The following ACAD10 variants were observed in gnomAD, a reference collection of about 807,000 sequenced individuals.
ACAD10 encodes the protein ACAD-10.
A neutral mutation model predicts 116.8 loss-of-function variants in ACAD10; 112 were observed. That is an observed-to-expected ratio of 0.96 (90% CI 0.82 to 1.12). ACAD10 has a LOEUF of 1.12. Among genes scored for constraint, ACAD10 ranks in the 50% most tolerant of loss-of-function variants. The pLI is 0.00. For synonymous variants in ACAD10, 486 were observed against 510.6 expected (o/e 0.95, Z 0.65); for missense variants, 1,259 against 1,350.2 (o/e 0.93, Z 1.06).
intron 18 of ACAD10, among the ~76,000 whole-genome samples, chr12:111,751,912 G>A (rs2135994268): frequency 6.6e-6 from 1 of 151,758 alleles, no homozygotes; most frequent in African/African-American, 2.4e-5. Flanking sequence ...TATAAAATTA[G>A]TTGGACGTGG....
intron 2 of ACAD10, among the ~76,000 whole-genome samples, chr12:111,700,279 C>T (rs1888311819): frequency 6.6e-6 from 1 of 152,144 alleles, no homozygotes; most frequent in South Asian, 2.1e-4. Context: ...GTGTGGTATT[C>T]CGTTATATGA....
chr12:111,749,535 A>T (rs888553464), intron 18 of ACAD10, 190 bp downstream of exon 18: 1 of 756,582 alleles, frequency 1.3e-6, no homozygotes, highest in Non-Finnish European at 2.1e-6. Flanking sequence ...TCAGAGCAGA[A>T]TGGACCCCAC....
intron 12 of ACAD10, among the ~76,000 whole-genome samples, chr12:111,741,772 C>T (rs957960339): frequency 6.6e-6 from 1 of 152,180 alleles, no homozygotes; most frequent in Non-Finnish European, 1.5e-5. Flanking sequence ...GTACATTTGT[C>T]TTCTACAATT....
intron 2 of ACAD10, among the ~76,000 whole-genome samples, chr12:111,696,166 A>G (rs949328257): frequency 1.3e-5 from 2 of 151,816 alleles, no homozygotes; most frequent in Non-Finnish European, 2.9e-5. Flanking sequence ...GGCTCAAGCA[A>G]TCCTGCCTCA....
intron 2 of ACAD10, among the ~76,000 whole-genome samples, chr12:111,698,104 C>T (rs1384253387): frequency 6.6e-6 from 1 of 151,626 alleles, no homozygotes; most frequent in African/African-American, 2.4e-5. Flanking sequence ...AAGCTATTCT[C>T]CTTCCTCAGC....
chr12:111,753,349 C>T lies in ACAD10; in HGVS notation c.2818-423C>T, dbSNP rs113862309. ...AGCTGCAGGGCAGGAAGGGGTGCTG[C>T]GGTCAGCAGAGGGCACCCTTCGCCT... On this transcript the variant is annotated intron_variant, in intron 18 of 20. Coordinates refer to ENST00000313698, the MANE Select transcript of ACAD10 (RefSeq NM_025247.6). 2.6e-3 allele frequency: 999 copies of T among 380,772 alleles called. 5 individuals carry two copies. Among genetic ancestry groups the T allele is most frequent in the African/African-American group, 0.018 (886 of 48,162 alleles). 23.6% of individuals were successfully genotyped at this position (380,772 alleles called of 1,614,324 possible). A position where few individuals can be genotyped will look rare whatever the true frequency, so the allele number is the denominator to read the frequency against.
At chr12:111,707,698 T>C (rs1366310750) in intron 4 of ACAD10, among the ~76,000 whole-genome samples, 1 of 152,224 alleles carries the variant, frequency 6.6e-6, no homozygotes, top group African/African-American at 2.4e-5. Context: ...ATTCTTTCCA[T>C]CTTTGGAAGA....
chr12:111,746,876 T>C (rs1345515896), intron 14 of ACAD10, among the ~76,000 whole-genome samples, 173 bp from the exon 15 acceptor site: 1 of 152,176 alleles, frequency 6.6e-6, no homozygotes, highest in Non-Finnish European at 1.5e-5. Flanking sequence ...TGCATACCTG[T>C]AGTCTCAGCT....
At chr12:111,700,949 G>A (rs1888332494) in intron 2 of ACAD10, among the ~76,000 whole-genome samples, 1 of 151,804 alleles carries the variant, frequency 6.6e-6, no homozygotes, top group Admixed American at 6.6e-5. Flanking sequence ...TCTAGAGACA[G>A]GGTTTAATCA....
chr12:111,748,575 C>T (rs942076864), intron 17 of ACAD10, 100 bp downstream of exon 17: 28 of 1,306,768 alleles, frequency 2.1e-5, no homozygotes, highest in Middle Eastern at 2.7e-4. Flanking sequence ...CCACATCCCA[C>T]GTCTGAGGGT....
intron 2 of ACAD10, 200 bp downstream of exon 2, chr12:111,693,096 C>T (rs1207187814): frequency 8.3e-6 from 5 of 601,250 alleles, no homozygotes; most frequent in East Asian, 2.9e-5. Flanking sequence ...TCTTACTTTC[C>T]TCATCATTAA....
intron 7 of ACAD10, among the ~76,000 whole-genome samples, chr12:111,716,326 G>A (rs1888846566): frequency 6.6e-6 from 1 of 152,028 alleles, no homozygotes; most frequent in Non-Finnish European, 1.5e-5. Context: ...AGTTACTGTG[G>A]CATCATTGCA....
intron 1 of ACAD10, among the ~76,000 whole-genome samples, chr12:111,687,842 TTCTTTATC>T (rs993272457): frequency 2.6e-5 from 4 of 152,072 alleles, no homozygotes; most frequent in Non-Finnish European, 5.9e-5. Context: ...AGAACGAACA[TTCTTTATC>T]TCTTTACCAA....
rs1264734689 is a variant in ACAD10, at chr12:111,724,663, G to A, written c.1061+2924G>A. Reference sequence around the variant, plus strand: ...ACCAAAACCAGTCAGGCGTGGCGGCGCGTGCCTGCAATTGCAGGCACTCGG... The same window carrying A: ...ACCAAAACCAGTCAGGCGTGGCGGCACGTGCCTGCAATTGCAGGCACTCGG... On this transcript the variant is annotated intron_variant, in intron 8 of 20. Coordinates refer to ENST00000313698, the MANE Select transcript of ACAD10 (RefSeq NM_025247.6). Among the ~76,000 whole-genome samples the A allele has an allele frequency of 2.4e-4, 37 of 151,990 alleles. 1 individual carries two copies. In the South Asian group the frequency reaches 5.2e-3, roughly 21 times the overall value.
chr12:111,729,459 G>A (rs758785541), intron 9 of ACAD10, among the ~76,000 whole-genome samples: 5 of 152,048 alleles, frequency 3.3e-5, no homozygotes, highest in Non-Finnish European at 7.4e-5. Context: ...GGCCAGTCTC[G>A]AACTCCTGAC....
chr12:111,692,221 G>A (rs1307583742), intron 1 of ACAD10, among the ~76,000 whole-genome samples: 2 of 152,206 alleles, frequency 1.3e-5, no homozygotes, highest in Non-Finnish European at 2.9e-5. Flanking sequence ...ACCCGCCTTG[G>A]CCTCCCATAG....
intron 2 of ACAD10, among the ~76,000 whole-genome samples, chr12:111,700,930 T>C (rs1888332102): frequency 6.6e-6 from 1 of 151,912 alleles, no homozygotes; most frequent in Non-Finnish European, 1.5e-5. Flanking sequence ...AGCTAATTTT[T>C]AAATTTTTTC....
chr12:111,697,609 G>A (rs1888228299), intron 2 of ACAD10, among the ~76,000 whole-genome samples: 1 of 134,666 alleles, frequency 7.4e-6, no homozygotes, highest in Non-Finnish European at 1.5e-5. Context: ...TTTTGAGACA[G>A]AGTCTTGCTC....
At chr12:111,724,730 C>G (rs1008909920) in intron 8 of ACAD10, among the ~76,000 whole-genome samples, 1 of 150,994 alleles carries the variant, frequency 6.6e-6, no homozygotes, top group Non-Finnish European at 1.5e-5. Flanking sequence ...TTGCAGTGAG[C>G]TGAGATGGCA....
Sources: allele counts gnomAD v4.1 joint callset (sites outside exome capture counted in the v4.1 genomes callset), GRCh38; gene constraint gnomAD v4.1.1; transcripts MANE v1.5; gene names NCBI Gene and HGNC (gene_info 2026-07-23, HGNC 2026-07-21).